ST18: variants seen among roughly 807,000 people sequenced by gnomAD.
ST18 encodes ST18 C2H2C-type zinc finger transcription factor.
Under a neutral mutation model 110.0 loss-of-function variants are expected in ST18, and 50 were observed. The observed-to-expected ratio is 0.45, with a 90% CI of 0.36 to 0.58. The LOEUF (loss-of-function observed/expected upper bound fraction) is 0.58, where lower values mean the gene tolerates loss of function less well. Among genes scored for constraint, ST18 ranks in the 20% least tolerant of loss-of-function variants. The pLI, the probability that ST18 is intolerant of heterozygous loss-of-function variation, is 0.00. For missense variants in ST18, 1,306 were observed against 1,280.1 expected, an observed-to-expected ratio of 1.02 and a Z score of -0.31; for synonymous variants, 461 against 452.4, an observed-to-expected ratio of 1.02 and a Z score of -0.24.
At chr8:52,340,182 C>A (rs1032394979) in intron 2 of ST18, among the ~76,000 whole-genome samples, 1 of 152,238 alleles carries the variant, frequency 6.6e-6, no homozygotes, top group Admixed American at 6.5e-5. Context: ...GGCTATTCAG[C>A]CAGACCCTGA....
chr8:52,275,000 A>G (rs74464102), intron 2 of ST18, among the ~76,000 whole-genome samples: 6,510 of 152,260 alleles, frequency 0.043, 225 homozygotes, highest in Admixed American at 0.084. Context: ...GCTTTGTGAC[A>G]TTTTAATTCT....
intron 25 of ST18, among the ~76,000 whole-genome samples, chr8:52,114,216 C>A (rs372131704): frequency 5.3e-5 from 8 of 151,948 alleles, no homozygotes; most frequent in African/African-American, 1.9e-4. Context: ...GTGACCCACC[C>A]GCTTCGGCCT....
chr8:52,397,366 A>G (rs1841493683), intron 2 of ST18, among the ~76,000 whole-genome samples: 1 of 152,152 alleles, frequency 6.6e-6, no homozygotes, highest in Non-Finnish European at 1.5e-5. Context: ...GTTCTTCATA[A>G]ATTTTGGAAA....
At chr8:52,209,510 G>T (rs921315942) in intron 8 of ST18, among the ~76,000 whole-genome samples, 1 of 151,898 alleles carries the variant, frequency 6.6e-6, no homozygotes, top group Non-Finnish European at 1.5e-5. Flanking sequence ...AGTGGCTCAC[G>T]CCTGTAATCC....
At chr8:52,409,068 A>AC (rs1845522801) in intron 2 of ST18, 2 of 152,264 alleles carry the variant, frequency 1.3e-5, no homozygotes, top group African/African-American at 4.8e-5. Context: ...GCCGAGTATC[A>AC]TACTCAGTCA....
At chr8:52,175,598 A>G (rs2066612083) in intron 9 of ST18, among the ~76,000 whole-genome samples, 1 of 152,174 alleles carries the variant, frequency 6.6e-6, no homozygotes, top group Non-Finnish European at 1.5e-5. Flanking sequence ...CAATGATGTG[A>G]TGACTGGATG....
chr8:52,126,011 C>T, intron 23 of ST18, 41 bp downstream of exon 23: 1 of 1,548,616 alleles, frequency 6.5e-7, no homozygotes, highest in Non-Finnish European at 8.9e-7. Flanking sequence ...CCAGGGTCTA[C>T]ACCCTGCAGG....
intron 7 of ST18, among the ~76,000 whole-genome samples, chr8:52,213,386 A>G (rs531424255): frequency 1.2e-4 from 14 of 119,872 alleles, no homozygotes; most frequent in African/African-American, 3.8e-4. Flanking sequence ...ACATCTCAAC[A>G]CCCTCCTAAA....
chr8:52,216,399 T>C (rs1208900768), intron 6 of ST18, among the ~76,000 whole-genome samples: 4 of 152,176 alleles, frequency 2.6e-5, no homozygotes, highest in Non-Finnish European at 5.9e-5. Flanking sequence ...AGGATATAGA[T>C]ATCCTATACA....
chr8:52,234,903 G>C (rs953971693), intron 2 of ST18, among the ~76,000 whole-genome samples: 12 of 152,094 alleles, frequency 7.9e-5, no homozygotes, highest in Non-Finnish European at 1.6e-4. Flanking sequence ...ATGTAAGTGG[G>C]AGCTAAGGTA....
intron 2 of ST18, among the ~76,000 whole-genome samples, chr8:52,377,049 C>T (rs966059854): frequency 1.3e-5 from 2 of 152,140 alleles, no homozygotes; most frequent in Admixed American, 1.3e-4. Flanking sequence ...AAGAAGGATG[C>T]CACATACACT....
chr8:52,324,906 A>C (rs1478627571), intron 2 of ST18, among the ~76,000 whole-genome samples: 2 of 152,236 alleles, frequency 1.3e-5, no homozygotes, highest in East Asian at 3.8e-4. Context: ...ATGTTGATCC[A>C]AACAGCCAAT....
intron 2 of ST18, among the ~76,000 whole-genome samples, chr8:52,258,182 T>G (rs1438440587): frequency 6.6e-6 from 1 of 152,208 alleles, no homozygotes; most frequent in African/African-American, 2.4e-5. Flanking sequence ...TACTGTAGTT[T>G]TGTAGTGAGT....
intron 2 of ST18, chr8:52,407,510 A>T (rs1343426122): frequency 6.6e-6 from 1 of 152,228 alleles, no homozygotes; most frequent in Non-Finnish European, 1.5e-5. Context: ...GCACATGACT[A>T]ATACTAGACT....
At chr8:52,278,083 C>T (rs900410098) in intron 2 of ST18, among the ~76,000 whole-genome samples, 6 of 152,070 alleles carry the variant, frequency 3.9e-5, no homozygotes, top group Non-Finnish European at 8.8e-5. Context: ...AATAACAATA[C>T]CACATTTACT....
Position 52,164,104 on chromosome 8 carries a change from G to T in ST18, c.1296-14C>A. ...CAACCAGAAAGACTGTTTAAAAAAA[G>T]AAACACAGGAGGATTTTAGTTAAAA... On this transcript the variant is annotated splice_polypyrimidine_tract_variant and intron_variant, in intron 12 of 25. Coordinates refer to ENST00000689386, the MANE Select transcript of ST18 (RefSeq NM_001352837.2). 6.2e-7 allele frequency: 1 copy of T among 1,602,776 alleles called. No individual in the cohort carries two copies. The highest frequency in any genetic ancestry group is 8.5e-7 in the Non-Finnish European group (1 of 1,169,726).
intron 8 of ST18, among the ~76,000 whole-genome samples, chr8:52,201,698 C>T (rs983775636): frequency 6.6e-6 from 1 of 152,228 alleles, no homozygotes; most frequent in East Asian, 1.9e-4. Context: ...CCTTCAGTTT[C>T]GTCTAAGAGT....
rs1217746197 is a variant in ST18, at chr8:52,116,420, TACA to T, written c.2860-5_2860-3del. 8 of 1,609,454 alleles carry T rather than the reference TACA, an allele frequency of 5.0e-6. No homozygotes were observed. ...TAAGTTGCTCTCCATAGATGTGATC[TACA>T]ACAGAAATAACTTGGGAATGTGAGT... On this transcript the variant is annotated splice_polypyrimidine_tract_variant and splice_region_variant and intron_variant, in intron 24 of 25. Coordinates refer to ENST00000689386, the MANE Select transcript of ST18 (RefSeq NM_001352837.2).
chr8:52,113,954 G>GTTTT (rs1158213340), intron 25 of ST18, among the ~76,000 whole-genome samples: 4,281 of 45,376 alleles, frequency 0.094, 1,594 homozygotes, highest in South Asian at 0.12. Flanking sequence ...TTCATACCGT[G>GTTTT]TTTTTTTTTT....
Sources: gnomAD v4.1 joint callset for allele counts (sites outside exome capture counted in the v4.1 genomes callset) on GRCh38, gnomAD v4.1.1 for gene constraint, MANE v1.5 for transcripts, NCBI Gene and HGNC (gene_info 2026-07-23, HGNC 2026-07-21) for gene names.